UNC13B: variants seen among roughly 807,000 people sequenced by gnomAD.
UNC13B encodes unc-13 homolog B.
Under a neutral mutation model 211.0 loss-of-function variants are expected in UNC13B, and 144 were observed. That is an observed-to-expected ratio of 0.68 (90% CI 0.60 to 0.78). The LOEUF (loss-of-function observed/expected upper bound fraction) is 0.78. UNC13B is among the 30% of genes least tolerant of loss of function. The pLI, the probability that UNC13B is intolerant of heterozygous loss-of-function variation, is 0.00. For missense variants in UNC13B, 1,777 were observed against 2,002.0 expected (o/e 0.89, Z 2.14); for synonymous variants, 709 against 725.8 (o/e 0.98, Z 0.37).
chr9:35,182,684 A>C (rs1344461760), intron 1 of UNC13B, among the ~76,000 whole-genome samples: 2 of 152,112 alleles, frequency 1.3e-5, no homozygotes, highest in Non-Finnish European at 2.9e-5. Context: ...CTTAACGAGC[A>C]TGCTGCCTTC....
At chr9:35,183,660 GGCCGGGCAGAGGC>G (rs1822131195) in intron 1 of UNC13B, among the ~76,000 whole-genome samples, 1 of 136,810 alleles carries the variant, frequency 7.3e-6, no homozygotes, top group Non-Finnish European at 1.6e-5. Context: ...GACGATGGGC[GGCCGGGCAGAGGC>G]GCTCCTCACT....
At chr9:35,382,322 A>G in intron 20 of UNC13B, 35 bp from the exon 21 acceptor site, 1 of 1,590,352 alleles carries the variant, frequency 6.3e-7, no homozygotes, top group Non-Finnish European at 8.5e-7. Flanking sequence ...CAAGCCCTGA[A>G]GAGTCTTTGA....
At chr9:35,251,721 G>T (rs759149930) in intron 6 of UNC13B, among the ~76,000 whole-genome samples, 1 of 151,422 alleles carries the variant, frequency 6.6e-6, no homozygotes, top group Non-Finnish European at 1.5e-5. Flanking sequence ...ATTTCTTAGT[G>T]TCATCCAATA....
intron 11 of UNC13B, chr9:35,351,593 TC>T: frequency 8.1e-7 from 1 of 1,232,232 alleles, no homozygotes; most frequent in East Asian, 3.2e-5. Flanking sequence ...CTCCAGGCTT[TC>T]CCCAGATAAG....
chr9:35,227,133 C>T (rs902606305), intron 1 of UNC13B, among the ~76,000 whole-genome samples: 30 of 152,128 alleles, frequency 2.0e-4, no homozygotes, highest in South Asian at 2.1e-4. Context: ...CAGTGAGAGA[C>T]AGACTTTGTT....
Position 35,396,848 on chromosome 9 carries a change from G to A in UNC13B, c.11443G>A (p.Glu3815Lys), listed in dbSNP as rs1310712168. The A allele has an allele frequency of 1.1e-5, 18 of 1,614,066 alleles. No individual in the cohort carries two copies. The highest frequency in any genetic ancestry group is 1.5e-5 in the Non-Finnish European group (18 of 1,180,042). The change falls in exon 28 of 40, where the codon GAG (glutamate) becomes AAG (lysine). Residue 3815 changes from glutamate (E) to lysine (K), a missense_variant. Physicochemically the swap from Glu to Lys is moderately conservative, Grantham distance 56. Transcript: ENST00000635942. ...GQVPEYPAWF[E>K]QFVLQWLDEN... ...CTCCTGCTGTGGCTGCAGGTGGTTT[G>A]AGCAGTTCGTGCTACAATGGCTGGA...
At chr9:35,352,040 G>C (rs1448805374) in intron 11 of UNC13B, 4 of 1,232,096 alleles carry the variant, frequency 3.2e-6, no homozygotes, top group Non-Finnish European at 4.0e-6. Flanking sequence ...CCAAGTCCAG[G>C]GTTCCGTGGA....
At chr9:35,395,453 G>C (rs530193505) in intron 26 of UNC13B, among the ~76,000 whole-genome samples, 1 of 152,286 alleles carries the variant, frequency 6.6e-6, no homozygotes, top group South Asian at 2.1e-4. Flanking sequence ...ACAAGGGCCA[G>C]CTGCCCCAGC....
chr9:35,306,593 CA>C lies in UNC13B; in HGVS notation c.7193del (p.Asn2398MetfsTer9), dbSNP rs1362157068. The C allele has an allele frequency of 7.5e-6, 3 of 398,820 alleles. No homozygotes were observed. The highest frequency in any genetic ancestry group is 1.3e-5 in the Non-Finnish European group (3 of 226,054). 24.7% of individuals were successfully genotyped at this position (398,820 alleles called of 1,614,324 possible). The stretch of plus-strand genomic sequence containing the variant: ...TTTAGACACTTGTACTAACTGCCAC[CA>C]AAATGAGAAATTTACTACTGACCCA... The part of the protein sequence containing the change: ...NDLDTCTNCH[Q>X]NEKFTTDPVN... On this transcript the variant is annotated frameshift_variant, in exon 9 of 40. Transcript: ENST00000635942. LOFTEE classifies it high-confidence loss of function.
chr9:35,368,436 C>T (rs1184906423), intron 12 of UNC13B, among the ~76,000 whole-genome samples: 1 of 152,208 alleles, frequency 6.6e-6, no homozygotes, highest in African/African-American at 2.4e-5. Flanking sequence ...ATATGTATCA[C>T]ATTTTCTTTA....
At position 35,398,904 on chromosome 9, in the gene UNC13B, T is replaced by A; in HGVS notation, c.11944T>A (p.Cys3982Ser). 1 of 1,613,800 alleles carries A rather than the reference T, an allele frequency of 6.2e-7. No homozygotes were observed. The highest frequency in any genetic ancestry group is 8.5e-7 in the Non-Finnish European group (1 of 1,179,930). ...GNSFQVRIDE[C>S]VRQMADILGQ... ...TAGTTTCCAGGTACGGATTGATGAG[T>A]GTGTTCGACAAATGGCCGACATCCT... Residue 3982 changes from cysteine to serine, a missense_variant, in exon 33 of 40, where the codon TGT becomes AGT. By Grantham distance (112) the Cys-to-Ser change is moderately radical. Transcript: ENST00000635942.
chr9:35,383,115 G>C (rs1404646726), intron 21 of UNC13B, among the ~76,000 whole-genome samples: 1 of 152,176 alleles, frequency 6.6e-6, no homozygotes, highest in Non-Finnish European at 1.5e-5. Flanking sequence ...CAGTCTTGCA[G>C]GTCCACAAAT....
intron 1 of UNC13B, among the ~76,000 whole-genome samples, chr9:35,185,643 G>T (rs903464762): frequency 2.6e-4 from 40 of 152,114 alleles, no homozygotes; most frequent in African/African-American, 8.7e-4. Flanking sequence ...TTCTAGGCTG[G>T]GCATGCTGGC....
At chr9:35,267,741 G>T (rs902832512) in intron 7 of UNC13B, among the ~76,000 whole-genome samples, 5 of 152,084 alleles carry the variant, frequency 3.3e-5, no homozygotes, top group Admixed American at 2.6e-4. Context: ...GTCTCCAAAG[G>T]TTACTTTTGG....
In UNC13B at chr9:35,304,896, C is replaced by T. The variant is rs117289530; in HGVS notation, c.5492C>T (p.Pro1831Leu). 132 of 398,854 alleles carry T rather than the reference C, an allele frequency of 3.3e-4. No homozygotes were observed. The highest frequency in any genetic ancestry group is 5.5e-4 in the Non-Finnish European group (125 of 225,972). The allele number at this position is 398,854 out of a possible 1,614,324, so 24.7% of individuals were successfully genotyped here. ...CAGATAGTATCCAATGTTCAGCATCCAGAATTGATCAAAAATATAAGGCAA... is the reference window on the plus strand; with the variant it reads ...CAGATAGTATCCAATGTTCAGCATCTAGAATTGATCAAAAATATAAGGCAA... ...ERQIVSNVQH[P>L]ELIKNIRQEF... Residue 1831 changes from proline to leucine, a missense_variant, in exon 9 of 40, where the codon CCA becomes CTA. Physicochemically the swap from Pro to Leu is moderately conservative, Grantham distance 98. Transcript: ENST00000635942.
rs376878290 is a variant in UNC13B at position 35,307,218 on chromosome 9, G to T, written c.7814G>T (p.Arg2605Leu). The T allele has an allele frequency of 6.1e-4, 244 of 398,824 alleles. 2 individuals are homozygous for T. The South Asian group carries it at 0.019, about 32-fold the overall frequency. 24.7% of individuals were successfully genotyped at this position (398,824 alleles called of 1,614,324 possible). A position where few individuals can be genotyped will look rare whatever the true frequency, so the allele number is the denominator to read the frequency against. Reference sequence around the variant, plus strand: ...CCTGAAAATATTCTGGAACCTCAACGTTCTGAAACAATTAATACATCTTCT... The same window carrying T: ...CCTGAAAATATTCTGGAACCTCAACTTTCTGAAACAATTAATACATCTTCT... ...NTPENILEPQRSETINTSSFS... is the reference protein window; with the variant it reads ...NTPENILEPQLSETINTSSFS... Residue 2605 changes from arginine to leucine, a missense_variant, in exon 9 of 40, where the codon CGT becomes CTT. Physicochemically the swap from Arg to Leu is moderately radical, Grantham distance 102. Coordinates refer to ENST00000635942, the MANE Select transcript of UNC13B (RefSeq NM_001371189.2).
In UNC13B at chr9:35,307,747, TA is replaced by T; in HGVS notation, c.8345del (p.Asn2782ThrfsTer6). 2.5e-6 allele frequency: 1 copy of T among 399,100 alleles called. No individual in the cohort carries two copies. The highest frequency in any genetic ancestry group is 4.4e-6 in the Non-Finnish European group (1 of 226,096). 24.7% of individuals were successfully genotyped at this position (399,100 alleles called of 1,614,324 possible). On this transcript the variant is annotated frameshift_variant, in exon 9 of 40. Coordinates refer to ENST00000635942, the MANE Select transcript of UNC13B (RefSeq NM_001371189.2). LOFTEE classifies it high-confidence loss of function. ...PKLRLPSSAT[N>X]HGKPLSSFFS... Reference sequence around the variant, plus strand: ...AGCTTCGTTTGCCATCCTCTGCTACTAACCATGGGAAACCACTGAGCTCTTT... The same window carrying T: ...AGCTTCGTTTGCCATCCTCTGCTACTACCATGGGAAACCACTGAGCTCTTT...
At chr9:35,337,990 G>A (rs1425384201) in intron 11 of UNC13B, among the ~76,000 whole-genome samples, 1 of 152,094 alleles carries the variant, frequency 6.6e-6, no homozygotes, top group Non-Finnish European at 1.5e-5. Context: ...GTTTCCTTTG[G>A]GTATAGAGAT....
chr9:35,304,789 C>A lies in UNC13B; in HGVS notation c.5385C>A (p.Gly1795=). ...ATTTAGCAGAGCTCACAAATGATGG[C>A]TTTCAGTCATTAATCATGAGTAAGC... ...QSDLAELTND[G]FQSLIMSKQL... is the part of the protein sequence containing the mutation. Residue 1795 remains glycine (G), a synonymous_variant, in exon 9 of 40, where the codon GGC becomes GGA. Coordinates refer to ENST00000635942, the MANE Select transcript of UNC13B (RefSeq NM_001371189.2). The A allele has an allele frequency of 2.5e-6, 1 of 398,898 alleles. No individual in the cohort carries two copies. The highest frequency in any genetic ancestry group is 3.6e-5 in the East Asian group (1 of 28,062). 24.7% of individuals were successfully genotyped at this position (398,898 alleles called of 1,614,324 possible). A position where few individuals can be genotyped will look rare whatever the true frequency, so the allele number is the denominator to read the frequency against.
Sources: gnomAD v4.1 joint callset for allele counts (sites outside exome capture counted in the v4.1 genomes callset) on GRCh38, gnomAD v4.1.1 for gene constraint, MANE v1.5 for transcripts, NCBI Gene and HGNC (gene_info 2026-07-23, HGNC 2026-07-21) for gene names.